PUS7: variants seen among roughly 807,000 people sequenced by gnomAD.
The protein encoded by PUS7 is pseudouridylate synthase 7 homolog.
In PUS7, 48 loss-of-function variants were observed where a neutral mutation model predicts 79.8. That is an observed-to-expected ratio of 0.60 (90% CI 0.48 to 0.76). The LOEUF is 0.76. Ranked by LOEUF, PUS7 falls within the 30% of genes least tolerant of loss-of-function variation. PUS7 has a pLI of 0.00. For synonymous variants in PUS7, 286 were observed against 272.2 expected, an observed-to-expected ratio of 1.05 and a Z score of -0.50; for missense variants, 729 against 797.6, an observed-to-expected ratio of 0.91 and a Z score of 1.04.
chr7:105,521,942 A>G (rs955755623), intron 1 of PUS7, 110 bp downstream of exon 1: 1 of 152,288 alleles, frequency 6.6e-6, no homozygotes, highest in Non-Finnish European at 1.5e-5. Flanking sequence ...CCGCCTTCCC[A>G]GTCCGCCTTC....
At position 105,458,759 on chromosome 7, in the gene PUS7, G is replaced by C. The variant is rs548755224; in HGVS notation, c.1849+409C>G. On this transcript the variant is annotated intron_variant, in intron 15 of 15. Coordinates refer to ENST00000469408, the MANE Select transcript of PUS7 (RefSeq NM_019042.5). ...CGGCTAATTTTTTGTATTTTTAGTA[G>C]AGACGGGGTTTCACCGTGGTCTCGA... 2.8e-3 allele frequency among the ~76,000 whole-genome samples: 419 copies of C among 151,716 alleles called. 1 individual carries two copies. The highest frequency in any genetic ancestry group is 3.4e-3 in the Middle Eastern group (1 of 294).
intron 12 of PUS7, among the ~76,000 whole-genome samples, chr7:105,467,968 T>C (rs1199332855): frequency 1.3e-5 from 2 of 151,980 alleles, no homozygotes; most frequent in Non-Finnish European, 2.9e-5. Context: ...CATCTCACTG[T>C]GTCACCTAGG....
chr7:105,462,291 G>T, intron 14 of PUS7: 2 of 226,206 alleles, frequency 8.8e-6, no homozygotes, highest in South Asian at 6.5e-5. Context: ...AATTATCCAG[G>T]TGTGGTGGCA....
At chr7:105,465,196 G>A (rs773967880) in intron 13 of PUS7, 117 bp downstream of exon 13, 1 of 572,818 alleles carries the variant, frequency 1.7e-6, no homozygotes, top group South Asian at 2.8e-5. Context: ...AATTTTCCAT[G>A]TGAATGCATC....
intron 5 of PUS7, among the ~76,000 whole-genome samples, chr7:105,499,555 A>T (rs12705313): frequency 0.53 from 79,946 of 151,704 alleles, 22,729 homozygotes; most frequent in Middle Eastern, 0.64. Flanking sequence ...ATGGTATTTT[A>T]AAAAAAAATC....
chr7:105,509,197 A>G (rs1825608156), intron 1 of PUS7, among the ~76,000 whole-genome samples: 3 of 147,700 alleles, frequency 2.0e-5, no homozygotes, highest in Admixed American at 2.0e-4. Flanking sequence ...AAAAAAAAAA[A>G]AAAAAAAAAA....
chr7:105,462,463 T>A, intron 14 of PUS7, 158 bp downstream of exon 14: 1 of 786,822 alleles, frequency 1.3e-6, no homozygotes, highest in Non-Finnish European at 1.9e-6. Context: ...AAAAGGTAAG[T>A]AAAAATATGG....
At chr7:105,466,968 G>A (rs775700047) in intron 12 of PUS7, among the ~76,000 whole-genome samples, 3 of 149,994 alleles carry the variant, frequency 2.0e-5, no homozygotes, top group Non-Finnish European at 4.4e-5. Context: ...ATAGATGGTA[G>A]CCTAGTATGC....
chr7:105,481,189 C>G lies in PUS7; in HGVS notation c.1050-12G>C, dbSNP rs776070754. 1 of 1,600,638 alleles carries G rather than the reference C, an allele frequency of 6.2e-7. No homozygotes were observed. The highest frequency in any genetic ancestry group is 1.1e-5 in the South Asian group (1 of 87,794). On this transcript the variant is annotated splice_polypyrimidine_tract_variant and intron_variant, in intron 8 of 15. Transcript: ENST00000469408. ...TTCCTGTTATATTTCTACAGGGACACAAATTATCCAGAGGAAAAAAAGTTA... is the reference window on the plus strand; with the variant it reads ...TTCCTGTTATATTTCTACAGGGACAGAAATTATCCAGAGGAAAAAAAGTTA...
chr7:105,501,990 A>G (rs1320799084), intron 5 of PUS7, among the ~76,000 whole-genome samples: 1 of 148,468 alleles, frequency 6.7e-6, no homozygotes, highest in East Asian at 2.0e-4. Flanking sequence ...ATATATATAT[A>G]TAGGGGCCTT....
At chr7:105,473,536 A>G (rs762349613) in intron 9 of PUS7, among the ~76,000 whole-genome samples, 4 of 151,244 alleles carry the variant, frequency 2.6e-5, no homozygotes, top group Non-Finnish European at 5.9e-5. Context: ...CTTGTGCCTC[A>G]GTCTCCCAAA....
chr7:105,506,703 G>A (rs6969426), intron 2 of PUS7, among the ~76,000 whole-genome samples: 20,853 of 152,130 alleles, frequency 0.14, 1,853 homozygotes, highest in South Asian at 0.26. Flanking sequence ...GATTACAGGC[G>A]TGAATCACCA....
rs776397489 is a variant in PUS7, at chr7:105,482,429, T to C, written c.932A>G (p.Gln311Arg). 15 of 1,595,122 alleles carry C rather than the reference T, an allele frequency of 9.4e-6. No homozygotes were observed. Among genetic ancestry groups the C allele is most frequent in the Non-Finnish European group, 1.3e-5 (15 of 1,174,894 alleles). ...GCACTTATTCAGGTGGGCAAGTCTT[T>C]GTGCAGTTATTCTTTAAAAAAAAAA... ...QEIAVLKITA[Q>R]RLAHLNKCLM... Residue 311 changes from glutamine (Q) to arginine (R), a missense_variant, in exon 8 of 16, where the codon CAA (glutamine) becomes CGA (arginine). Transcript: ENST00000469408.
intron 13 of PUS7, among the ~76,000 whole-genome samples, chr7:105,465,007 C>T (rs771105223): frequency 5.9e-5 from 9 of 151,920 alleles, no homozygotes; most frequent in South Asian, 4.2e-4. Context: ...TTAGTAGAGA[C>T]GGGGTTTTGC....
At chr7:105,462,478 A>T in intron 14 of PUS7, 143 bp downstream of exon 14, 2 of 927,188 alleles carry the variant, frequency 2.2e-6, no homozygotes, top group Non-Finnish European at 3.2e-6. Context: ...ATATGGTGTT[A>T]TAATCTTATG....
At chr7:105,470,072 T>A (rs1231476531) in intron 11 of PUS7, among the ~76,000 whole-genome samples, 1 of 152,170 alleles carries the variant, frequency 6.6e-6, no homozygotes, top group African/African-American at 2.4e-5. Context: ...CTCCCATAAT[T>A]CCACGGTTAA....
rs1390958263 is a variant in PUS7, at chr7:105,501,166, A to G, written c.730+1254T>C. 2.0e-5 allele frequency among the ~76,000 whole-genome samples: 3 copies of G among 152,194 alleles called. No homozygotes were observed. The East Asian group carries it at 5.8e-4, about 29-fold the overall frequency. The stretch of plus-strand genomic sequence containing the variant: ...TTCACTAGAAACATGGTTATAAGCA[A>G]TTAAGGCTTCATCCATCACAGTATT... On this transcript the variant is annotated intron_variant, in intron 5 of 15. Transcript: ENST00000469408.
At chr7:105,460,509 G>T (rs1476841737) in intron 14 of PUS7, among the ~76,000 whole-genome samples, 1 of 152,088 alleles carries the variant, frequency 6.6e-6, no homozygotes, top group Non-Finnish European at 1.5e-5. Context: ...ACTAGTTCAG[G>T]ATTTCATTTT....
At chr7:105,481,264 C>T in intron 8 of PUS7, 87 bp from the exon 9 acceptor site, 2 of 1,245,010 alleles carry the variant, frequency 1.6e-6, no homozygotes, top group Non-Finnish European at 2.2e-6. Flanking sequence ...GCCTGGCTTC[C>T]AAGTCTTTCG....
Sources: allele counts gnomAD v4.1 joint callset (sites outside exome capture counted in the v4.1 genomes callset), GRCh38; gene constraint gnomAD v4.1.1; transcripts MANE v1.5; gene names NCBI Gene and HGNC (gene_info 2026-07-23, HGNC 2026-07-21).